Variants in SLC4A8 observed in about 807,000 individuals in gnomAD.
SLC4A8 encodes the protein electroneutral sodium bicarbonate exchanger 1.
SLC4A8 carries 40 observed loss-of-function variants against 125.0 expected under a neutral mutation model. That is an observed-to-expected ratio of 0.32 (90% CI 0.25 to 0.42). The LOEUF is 0.42. Ranked by LOEUF, SLC4A8 falls within the 10% of genes least tolerant of loss-of-function variation. SLC4A8 has a pLI of 1.00. For synonymous variants in SLC4A8, 456 were observed against 476.0 expected (o/e 0.96, Z 0.55); for missense variants, 863 against 1,355.1 (o/e 0.64, Z 5.70).
At chr12:51,411,385 C>G (rs185251247) in intron 1 of SLC4A8, among the ~76,000 whole-genome samples, 5 of 152,136 alleles carry the variant, frequency 3.3e-5, no homozygotes, top group Admixed American at 1.3e-4. Flanking sequence ...CCCCGGAATT[C>G]AAGACCAGCC....
At chr12:51,489,601 A>G (rs1291017612) in intron 18 of SLC4A8, 99 bp from the exon 19 acceptor site, 1 of 1,475,892 alleles carries the variant, frequency 6.8e-7, no homozygotes, top group African/African-American at 1.4e-5. Flanking sequence ...TCTTATCCAT[A>G]CACCCCTTCA....
intron 16 of SLC4A8, chr12:51,480,257 G>A: frequency 1.6e-6 from 2 of 1,269,022 alleles, no homozygotes; most frequent in Non-Finnish European, 2.0e-6. Flanking sequence ...TTCAGATTGA[G>A]AGTTGGGAAA....
intron 1 of SLC4A8, among the ~76,000 whole-genome samples, chr12:51,406,257 C>A (rs149179490): frequency 2.0e-5 from 3 of 152,252 alleles, no homozygotes; most frequent in African/African-American, 7.2e-5. Flanking sequence ...TAAAATTATC[C>A]CGAGGGAGAG....
At chr12:51,474,934 A>C in intron 15 of SLC4A8, 111 bp from the exon 16 acceptor site, 1 of 984,842 alleles carries the variant, frequency 1.0e-6, no homozygotes, top group Middle Eastern at 3.2e-4. Context: ...TGCTGCTTGC[A>C]GCCTCTGCTC....
chr12:51,401,568 CCA>C lies in SLC4A8; in HGVS notation c.-112+10081_-112+10082del, dbSNP rs1221659776. On this transcript the variant is annotated intron_variant, in intron 1 of 24. Coordinates refer to the SLC4A8 transcript ENST00000358657. ...TCCACCAGTGTATTCCTCTCGATGT[CCA>C]GCTGCCTGTGCGTTCCTCTACTGAT... Among the ~76,000 whole-genome samples the C allele has an allele frequency of 1.1e-4, 16 of 152,286 alleles. No homozygotes were observed. In the East Asian group the frequency reaches 3.1e-3, roughly 29 times the overall value.
rs544910543 is a variant in SLC4A8, at chr12:51,455,271, TA to T, written c.574+1587del. On this transcript the variant is annotated intron_variant, in intron 5 of 24. Transcript: ENST00000453097. Reference sequence around the variant, plus strand: ...TTCCCCACAGTGAGACCCTGTCTCTTAAAAAAAAAAAAAAAGTAAAAGAAAG... The same window carrying T: ...TTCCCCACAGTGAGACCCTGTCTCTTAAAAAAAAAAAAAAGTAAAAGAAAG... Among the ~76,000 whole-genome samples the T allele has an allele frequency of 8.5e-3, 1,176 of 137,838 alleles. 1 individual carries two copies. Among genetic ancestry groups the T allele is most frequent in the Middle Eastern group, 0.019 (5 of 268 alleles). 90.4% of individuals were successfully genotyped at this position (137,838 alleles called of 152,430 possible).
rs769353953 is a variant in SLC4A8, at chr12:51,450,944, C to T, written c.199C>T (p.His67Tyr). The part of the protein sequence containing the change: ...GRQSHRHHRT[H>Y]GQKHRRRGRG... ...GCAGAGCCATCGGCATCACCGCACT[C>T]ATGGCCAGAAGCACCGGAGACGAGG... The change falls in exon 3 of 25, where the codon CAT becomes TAT. Residue 67 changes from histidine to tyrosine, a missense_variant. This residue lies in a region of SLC4A8 where 104 missense variants were observed against 116.4 expected (regional missense o/e 0.89). Coordinates refer to ENST00000453097, the MANE Select transcript of SLC4A8 (RefSeq NM_001039960.3). 2.5e-6 allele frequency: 4 copies of T among 1,606,914 alleles called. No individual in the cohort carries two copies. The highest frequency in any genetic ancestry group is 2.2e-5 in the East Asian group (1 of 44,766).
chr12:51,400,261 G>A (rs1326172072), intron 1 of SLC4A8, among the ~76,000 whole-genome samples: 1 of 152,222 alleles, frequency 6.6e-6, no homozygotes, highest in East Asian at 1.9e-4. Flanking sequence ...TGGAATGTAA[G>A]TTATGTTTGC....
chr12:51,471,708 A>G (rs879583346), intron 14 of SLC4A8, 176 bp downstream of exon 14: 10 of 650,396 alleles, frequency 1.5e-5, no homozygotes, highest in South Asian at 2.2e-5. Context: ...GAACAATCAA[A>G]AGTGTTGACA....
intron 1 of SLC4A8, among the ~76,000 whole-genome samples, chr12:51,399,308 A>T (rs1165616674): frequency 1.3e-5 from 2 of 152,172 alleles, no homozygotes; most frequent in Admixed American, 6.5e-5. Context: ...GCTCAAAAGT[A>T]TAGTGAAGAG....
intron 16 of SLC4A8, among the ~76,000 whole-genome samples, chr12:51,482,832 G>A (rs1951064548): frequency 6.6e-6 from 1 of 152,100 alleles, no homozygotes; most frequent in African/African-American, 2.4e-5. Context: ...GCACTATGTG[G>A]CACAGAACAC....
intron 20 of SLC4A8, among the ~76,000 whole-genome samples, chr12:51,494,046 T>C (rs538815176): frequency 2.0e-5 from 3 of 152,220 alleles, no homozygotes; most frequent in Non-Finnish European, 4.4e-5. Flanking sequence ...TTGGCATGTA[T>C]TAAACATTAG....
chr12:51,489,597 C>A, intron 18 of SLC4A8, 103 bp from the exon 19 acceptor site: 1 of 1,445,118 alleles, frequency 6.9e-7, no homozygotes, highest in Non-Finnish European at 9.4e-7. Context: ...TCCTTCTTAT[C>A]CATACACCCC....
intron 22 of SLC4A8, among the ~76,000 whole-genome samples, chr12:51,502,557 G>A (rs1261987736): frequency 6.6e-6 from 1 of 151,134 alleles, no homozygotes; most frequent in African/African-American, 2.4e-5. Context: ...TTGAGATGGA[G>A]TCTCGCTCTG....
chr12:51,421,341 G>C (rs1338292730), upstream of SLC4A8, among the ~76,000 whole-genome samples: 1 of 152,202 alleles, frequency 6.6e-6, no homozygotes, highest in East Asian at 1.9e-4. Context: ...GGGAAGGAGA[G>C]ACCAAATCAT....
chr12:51,416,220 T>TTTTG (rs1392434308), intron 1 of SLC4A8, among the ~76,000 whole-genome samples: 1 of 149,914 alleles, frequency 6.7e-6, no homozygotes, highest in Admixed American at 6.7e-5. Flanking sequence ...TGTTTTTTTT[T>TTTTG]TTTTTTTTTT....
chr12:51,448,661 C>A (rs994710646), intron 2 of SLC4A8, among the ~76,000 whole-genome samples: 1 of 152,126 alleles, frequency 6.6e-6, no homozygotes, highest in Non-Finnish European at 1.5e-5. Context: ...GAGCCCAGAG[C>A]ACCCAAGTGG....
chr12:51,412,119 C>T (rs986820729), intron 1 of SLC4A8, among the ~76,000 whole-genome samples: 3 of 151,962 alleles, frequency 2.0e-5, no homozygotes, highest in Non-Finnish European at 4.4e-5. Flanking sequence ...AACAGCATGC[C>T]TTTCACTCTA....
At chr12:51,461,042 G>T (rs148411922) in intron 8 of SLC4A8, among the ~76,000 whole-genome samples, 162 bp from the exon 9 acceptor site, 7 of 151,714 alleles carry the variant, frequency 4.6e-5, no homozygotes, top group Admixed American at 3.9e-4. Context: ...TTAGGTCAAG[G>T]CAACTCAAAG....
Sources: gnomAD v4.1 joint callset for allele counts (sites outside exome capture counted in the v4.1 genomes callset) on GRCh38, gnomAD v4.1.1 for gene constraint, gnomAD v4.1.1 regional missense constraint, MANE v1.5 for transcripts, NCBI Gene and HGNC (gene_info 2026-07-23, HGNC 2026-07-21) for gene names.